SHANK2: variants seen among roughly 807,000 people sequenced by gnomAD.
SHANK2 encodes the protein SH3 and multiple ankyrin repeat domains protein 2.
Under a neutral mutation model 133.7 loss-of-function variants are expected in SHANK2, and 43 were observed. That is an observed-to-expected ratio of 0.32 (90% CI 0.25 to 0.41). The LOEUF is 0.41. SHANK2 is among the 10% of genes least tolerant of loss of function. The probability of loss-of-function intolerance (pLI) is 1.00; values close to 1 mark genes in which losing one functional copy is unlikely to be tolerated. For synonymous variants in SHANK2, 1,017 were observed against 952.8 expected, an observed-to-expected ratio of 1.07 and a Z score of -1.24; for missense variants, 1,994 against 2,235.8, an observed-to-expected ratio of 0.89 and a Z score of 2.18.
At chr11:70,629,584 C>A (rs958494467) in intron 17 of SHANK2, among the ~76,000 whole-genome samples, 2 of 152,080 alleles carry the variant, frequency 1.3e-5, no homozygotes, top group East Asian at 3.9e-4. Context: ...ACTGGGGACT[C>A]CAGCTCCCCT....
At chr11:71,212,628 G>A (rs905658746) in intron 2 of SHANK2, among the ~76,000 whole-genome samples, 3 of 152,102 alleles carry the variant, frequency 2.0e-5, no homozygotes, top group African/African-American at 7.3e-5. Context: ...TGGCCGAGAT[G>A]GAAGGATTTA....
At chr11:70,538,145 T>C (rs1263732641) in intron 17 of SHANK2, among the ~76,000 whole-genome samples, 1 of 152,102 alleles carries the variant, frequency 6.6e-6, no homozygotes, top group Non-Finnish European at 1.5e-5. Context: ...CACTGTCACC[T>C]CCCCAGCCTG....
At chr11:70,900,532 C>T (rs1356593670) in intron 10 of SHANK2, among the ~76,000 whole-genome samples, 1 of 152,142 alleles carries the variant, frequency 6.6e-6, no homozygotes, top group Non-Finnish European at 1.5e-5. Flanking sequence ...AGGACAGCTG[C>T]TGAAATAACA....
chr11:70,942,817 G>C (rs1232919206), intron 10 of SHANK2: 1 of 456,572 alleles, frequency 2.2e-6, no homozygotes, highest in African/African-American at 2.0e-5. Context: ...CTGCCACTCA[G>C]TGGCCAGCTC....
chr11:70,952,171 A>G (rs1027245411), intron 10 of SHANK2, among the ~76,000 whole-genome samples: 3 of 152,202 alleles, frequency 2.0e-5, no homozygotes, highest in Non-Finnish European at 2.9e-5. Flanking sequence ...GCAGACGGGA[A>G]TGCTAGGCCC....
At chr11:71,156,894 C>T (rs1186436696) in intron 2 of SHANK2, among the ~76,000 whole-genome samples, 8 of 152,186 alleles carry the variant, frequency 5.3e-5, no homozygotes, top group African/African-American at 1.7e-4. Flanking sequence ...TTCCTTGCTA[C>T]ACTCAAGATC....
intron 17 of SHANK2, among the ~76,000 whole-genome samples, chr11:70,643,334 C>A (rs538024686): frequency 1.3e-5 from 2 of 152,042 alleles, no homozygotes; most frequent in Non-Finnish European, 2.9e-5. Flanking sequence ...GAGGCCGAGG[C>A]GGGCGGATCA....
intron 17 of SHANK2, among the ~76,000 whole-genome samples, chr11:70,536,887 C>T (rs928714140): frequency 3.3e-5 from 5 of 152,188 alleles, no homozygotes; most frequent in Non-Finnish European, 4.4e-5. Flanking sequence ...CTGAGCTCAT[C>T]CCAGCCCAGT....
intron 11 of SHANK2, among the ~76,000 whole-genome samples, chr11:70,860,626 C>T (rs532512289): frequency 6.6e-6 from 1 of 152,346 alleles, no homozygotes; most frequent in South Asian, 2.1e-4. Flanking sequence ...CCCTTACTCT[C>T]TCACTTGAAG....
At chr11:70,748,762 A>T (rs1241526549) in intron 14 of SHANK2, among the ~76,000 whole-genome samples, 8 of 152,322 alleles carry the variant, frequency 5.3e-5, no homozygotes, top group Non-Finnish European at 5.9e-5. Context: ...TGAAATGCTC[A>T]TACCTACACA....
At chr11:70,896,668 AT>A (rs1949939503) in intron 10 of SHANK2, 101 bp from the exon 11 acceptor site, 1 of 651,236 alleles carries the variant, frequency 1.5e-6, no homozygotes, top group Non-Finnish European at 2.8e-6. Context: ...AAGAAGTCCA[AT>A]CAGAACCTTT....
chr11:70,863,378 C>A (rs1555068239), intron 11 of SHANK2: 1 of 457,960 alleles, frequency 2.2e-6, no homozygotes, highest in Non-Finnish European at 4.4e-6. Context: ...CCTGGTTCAT[C>A]CAGTGCTGGC....
intron 6 of SHANK2, among the ~76,000 whole-genome samples, chr11:71,102,372 C>T (rs919667564): frequency 2.6e-5 from 4 of 152,038 alleles, no homozygotes; most frequent in African/African-American, 4.8e-5. Flanking sequence ...ATTGACAGGT[C>T]GTTCCACTGG....
intron 11 of SHANK2, among the ~76,000 whole-genome samples, chr11:70,834,141 C>T (rs377647051): frequency 3.9e-5 from 6 of 152,330 alleles, no homozygotes; most frequent in East Asian, 1.9e-4. Context: ...CCTGATATCC[C>T]GGAGATTTAT....
Position 70,561,570 on chromosome 11 carries a change from C to G in SHANK2, c.2062-58639G>C, listed in dbSNP as rs138688472. Among the ~76,000 whole-genome samples the G allele has an allele frequency of 9.2e-5, 14 of 151,896 alleles. No individual in the cohort carries two copies. The East Asian group carries it at 2.7e-3, about 29-fold the overall frequency. ...CTGAGACAGGGTCTTACTCTGTTGC[C>G]CAGACTGGAGTGCCGTGGTGCAATC... On this transcript the variant is annotated intron_variant, in intron 17 of 25. Coordinates refer to ENST00000601538, the MANE Select transcript of SHANK2 (RefSeq NM_012309.5).
chr11:70,862,103 C>T (rs1180683301), intron 11 of SHANK2, among the ~76,000 whole-genome samples: 1 of 152,166 alleles, frequency 6.6e-6, no homozygotes, highest in African/African-American at 2.4e-5. Flanking sequence ...ACACCTCTCC[C>T]CACGATGCGG....
chr11:70,811,560 GATCCATCCATCCATCCATCTACCCATCC>G (rs1349631977), intron 12 of SHANK2, among the ~76,000 whole-genome samples: 2 of 150,420 alleles, frequency 1.3e-5, no homozygotes, highest in South Asian at 2.1e-4. Flanking sequence ...ATCCATCATC[GATCCATCCATCCATCCATCTACCCATCC>G]ATCCACCCAT....
At chr11:71,243,418 G>A (rs1009001761) in intron 1 of SHANK2, among the ~76,000 whole-genome samples, 3 of 152,220 alleles carry the variant, frequency 2.0e-5, no homozygotes, top group African/African-American at 2.4e-5. Flanking sequence ...AGTCAGGCCG[G>A]GCGTGGTGGC....
At chr11:70,865,826 C>T (rs1366345537) in intron 11 of SHANK2, among the ~76,000 whole-genome samples, 2 of 152,170 alleles carry the variant, frequency 1.3e-5, no homozygotes, top group Non-Finnish European at 2.9e-5. Flanking sequence ...CTTCACTCAC[C>T]CTGCAGAAAC....
Sources: gnomAD v4.1 joint callset for allele counts (sites outside exome capture counted in the v4.1 genomes callset) on GRCh38, gnomAD v4.1.1 for gene constraint, MANE v1.5 for transcripts, NCBI Gene and HGNC (gene_info 2026-07-23, HGNC 2026-07-21) for gene names.